The following CC2D2B variants were observed in gnomAD, a reference collection of about 807,000 sequenced individuals.
CC2D2B encodes the protein protein CC2D2B.
CC2D2B carries 128 observed loss-of-function variants against 161.2 expected under a neutral mutation model. That is an observed-to-expected ratio of 0.79 (90% CI 0.69 to 0.92). The LOEUF is 0.92. CC2D2B is among the 40% of genes least tolerant of loss of function. The probability of loss-of-function intolerance (pLI) is 0.00; values close to 1 mark genes in which losing one functional copy is unlikely to be tolerated. For synonymous variants in CC2D2B, 391 were observed against 449.8 expected, an observed-to-expected ratio of 0.87 and a Z score of 1.65; for missense variants, 1,173 against 1,375.1, an observed-to-expected ratio of 0.85 and a Z score of 2.32.
rs936804354 is a variant in CC2D2B at position 95,924,858 on chromosome 10, C to T, written c.240+14C>T. ...CAAAGGTCCAAGGTGAATAACTTTT[C>T]TCTTTTTTTACTTTTTAAAACAGCT... is the stretch of plus-strand genomic sequence containing the variant. On this transcript the variant is annotated intron_variant, in intron 5 of 34. Coordinates refer to ENST00000646931, the MANE Select transcript of CC2D2B (RefSeq NM_001349008.3). The T allele has an allele frequency of 1.6e-5, 25 of 1,526,018 alleles. No individual in the cohort carries two copies. The highest frequency in any genetic ancestry group is 2.2e-5 in the Non-Finnish European group (25 of 1,125,224). The allele number at this position is 1,526,018 out of a possible 1,614,324, so 94.5% of individuals were successfully genotyped here.
In CC2D2B at chr10:95,983,667, A is replaced by C. The variant is rs925759543; in HGVS notation, c.2144A>C (p.Glu715Ala). The change falls in exon 19 of 35, where the codon GAA becomes GCA. Residue 715 changes from glutamate (E) to alanine (A), a missense_variant. By Grantham distance (107) the Glu-to-Ala change is moderately radical. Coordinates refer to ENST00000646931, the MANE Select transcript of CC2D2B (RefSeq NM_001349008.3). ...TTTCGTCTTGAACAGTTGCAAGATG[A>C]ATTTAACTTCGTTTCTGAAGAGGAA... ...KYFRLEQLQD[E>A]FNFVSEEEMA... The C allele has an allele frequency of 1.6e-6, 2 of 1,231,674 alleles. No homozygotes were observed. The highest frequency in any genetic ancestry group is 3.1e-5 in the African/African-American group (2 of 64,396). The allele number at this position is 1,231,674 out of a possible 1,614,324, so 76.3% of individuals were successfully genotyped here.
In CC2D2B at chr10:95,988,327, C is replaced by T; in HGVS notation, c.2364C>T (p.Ala788=). The T allele has an allele frequency of 8.2e-7, 1 of 1,224,328 alleles. No individual in the cohort carries two copies. Among genetic ancestry groups the T allele is most frequent in the East Asian group, 3.2e-5 (1 of 31,602 alleles). 75.8% of individuals were successfully genotyped at this position (1,224,328 alleles called of 1,614,324 possible). A position where few individuals can be genotyped will look rare whatever the true frequency, so the allele number is the denominator to read the frequency against. The change falls in exon 20 of 35, where the codon GCC becomes GCT. Residue 788 remains alanine, a synonymous_variant. Transcript: ENST00000646931. ...TTACAGCACAAAGGATTAATTCTGCCAATTTTCTGAAAAAGGTAACAACAC... is the reference window on the plus strand; with the variant it reads ...TTACAGCACAAAGGATTAATTCTGCTAATTTTCTGAAAAAGGTAACAACAC... ...NSITAQRINS[A]NFLKKVRRLI... is the part of the protein sequence containing the mutation.
intron 17 of CC2D2B, among the ~76,000 whole-genome samples, chr10:95,975,839 T>A (rs1016382738): frequency 6.6e-6 from 1 of 152,210 alleles, no homozygotes; most frequent in African/African-American, 2.4e-5. Context: ...TAAAGGTAAT[T>A]CATTTTGGAG....
intron 17 of CC2D2B, among the ~76,000 whole-genome samples, chr10:95,977,033 A>C (rs2077342805): frequency 6.7e-6 from 1 of 149,976 alleles, no homozygotes; most frequent in African/African-American, 2.4e-5. Flanking sequence ...TACAGGCATG[A>C]GCCACCGCAC....
In CC2D2B at chr10:95,974,160, A is replaced by T; in HGVS notation, c.1943+4A>T. On this transcript the variant is annotated splice_donor_region_variant and intron_variant, in intron 17 of 34. Coordinates refer to ENST00000646931, the MANE Select transcript of CC2D2B (RefSeq NM_001349008.3). ...CATTAAGATCTTCTTACTGCAGGTA[A>T]TAAACTTTTATCTTTGAAAAATAAT... 1 of 1,226,612 alleles carries T rather than the reference A, an allele frequency of 8.2e-7. No individual in the cohort carries two copies. Among genetic ancestry groups the T allele is most frequent in the Non-Finnish European group, 1.0e-6 (1 of 982,996 alleles). 76.0% of individuals were successfully genotyped at this position (1,226,612 alleles called of 1,614,324 possible). A position where few individuals can be genotyped will look rare whatever the true frequency, so the allele number is the denominator to read the frequency against.
intron 30 of CC2D2B, 150 bp downstream of exon 30, chr10:96,016,464 G>A (rs1365824786): frequency 6.6e-6 from 4 of 609,808 alleles, no homozygotes; most frequent in Non-Finnish European, 1.2e-5. Context: ...AGAGGATAAT[G>A]TTGGTTCATC....
At chr10:95,985,079 GA>G (rs1169263696) in intron 19 of CC2D2B, among the ~76,000 whole-genome samples, 2 of 152,182 alleles carry the variant, frequency 1.3e-5, no homozygotes, top group African/African-American at 4.8e-5. Flanking sequence ...ATATTTGACA[GA>G]AGTTATGCAA....
intron 9 of CC2D2B, among the ~76,000 whole-genome samples, chr10:95,944,302 G>C (rs539766878): frequency 6.6e-6 from 1 of 152,244 alleles, no homozygotes; most frequent in East Asian, 1.9e-4. Context: ...GAACACAGTT[G>C]TCAAGATTTT....
rs1435633743 is a variant in CC2D2B, at chr10:95,995,319, A to G, written c.2693A>G (p.His898Arg). The change falls in exon 23 of 35, where the codon CAT becomes CGT. Residue 898 changes from histidine to arginine, a missense_variant. By Grantham distance (29) the His-to-Arg change is conservative. Coordinates refer to ENST00000646931, the MANE Select transcript of CC2D2B (RefSeq NM_001349008.3). ...CLKSSISCLR[H>R]RETIKSVASD... ...AAATCATCTATATCTTGCCTCAGAC[A>G]TAGAGAAACAATCAAATCAGTAGCC... 2 of 1,532,774 alleles carry G rather than the reference A, an allele frequency of 1.3e-6. No individual in the cohort carries two copies. Among genetic ancestry groups the G allele is most frequent in the South Asian group, 2.4e-5 (2 of 83,352 alleles). 94.9% of individuals were successfully genotyped at this position (1,532,774 alleles called of 1,614,324 possible).
intron 32 of CC2D2B, among the ~76,000 whole-genome samples, chr10:96,022,379 G>T (rs61869180): frequency 0.05 from 7,576 of 152,262 alleles, 259 homozygotes; most frequent in Middle Eastern, 0.085. Flanking sequence ...CGCTCTCAAA[G>T]AAGTCACTGT....
chr10:95,962,007 A>C (rs2901895), intron 12 of CC2D2B, 38 bp downstream of exon 12: 22,550 of 1,227,170 alleles, frequency 0.018, 448 homozygotes, highest in South Asian at 0.072. Context: ...TGGTCTCCTG[A>C]GGAACTTCTC....
intron 34 of CC2D2B, among the ~76,000 whole-genome samples, chr10:96,027,877 A>G (rs1275629855): frequency 6.6e-6 from 1 of 152,220 alleles, no homozygotes; most frequent in African/African-American, 2.4e-5. Context: ...CCAAGAACAT[A>G]CACTGGGGAA....
At chr10:96,012,470 C>A in intron 27 of CC2D2B, 62 bp from the exon 28 acceptor site, 1 of 1,212,984 alleles carries the variant, frequency 8.2e-7, no homozygotes, top group South Asian at 1.3e-5. Flanking sequence ...AACATTGGTT[C>A]TTGATATTTT....
chr10:96,011,648 A>G (rs10882710), intron 26 of CC2D2B, among the ~76,000 whole-genome samples: 93,132 of 151,532 alleles, frequency 0.61, 28,818 homozygotes, highest in East Asian at 0.83. Flanking sequence ...CCAAGCCCAA[A>G]TGATCCTCCC....
intron 2 of CC2D2B, among the ~76,000 whole-genome samples, chr10:95,912,611 C>T (rs1196389617): frequency 1.3e-5 from 2 of 152,072 alleles, no homozygotes; most frequent in Admixed American, 6.5e-5. Context: ...GGTTGCTGAA[C>T]GTTGCCACAC....
rs534187191 is a variant in CC2D2B at position 95,931,694 on chromosome 10, G to C, written c.336+4362G>C. 8.5e-5 allele frequency among the ~76,000 whole-genome samples: 13 copies of C among 152,280 alleles called. No homozygotes were observed. The South Asian group carries it at 2.7e-3, about 32-fold the overall frequency. On this transcript the variant is annotated intron_variant, in intron 6 of 34. Transcript: ENST00000646931. ...AGTTTCCATGTAGTTGTGCAGTTTTGAGTGAGTTTCTTAATCCTGAGTTCT... is the reference window on the plus strand; with the variant it reads ...AGTTTCCATGTAGTTGTGCAGTTTTCAGTGAGTTTCTTAATCCTGAGTTCT...
At chr10:95,942,491 C>T (rs2076057640) in intron 9 of CC2D2B, among the ~76,000 whole-genome samples, 1 of 151,972 alleles carries the variant, frequency 6.6e-6, no homozygotes, top group Non-Finnish European at 1.5e-5. Context: ...TTAAATCCAC[C>T]CAATGAGTTC....
chr10:95,913,508 G>A (rs2098510353), intron 2 of CC2D2B: 1 of 296,932 alleles, frequency 3.4e-6, no homozygotes, highest in Non-Finnish European at 6.6e-6. Flanking sequence ...GGATCATATG[G>A]TAGCTATATC....
chr10:95,908,144 G>GAA (rs767888478), intron 1 of CC2D2B, 87 bp downstream of exon 1: 2 of 152,240 alleles, frequency 1.3e-5, no homozygotes, highest in Non-Finnish European at 2.9e-5. Context: ...TGCATGGGCA[G>GAA]AACTAGCTGG....
Sources: gnomAD v4.1 joint callset for allele counts (sites outside exome capture counted in the v4.1 genomes callset) on GRCh38, gnomAD v4.1.1 for gene constraint, MANE v1.5 for transcripts, NCBI Gene and HGNC (gene_info 2026-07-23, HGNC 2026-07-21) for gene names.